Variants in FSIP1 observed in about 807,000 individuals in gnomAD.
FSIP1 encodes fibrous sheath-interacting protein 1.
In FSIP1, 65 loss-of-function variants were observed where a neutral mutation model predicts 60.9. The observed-to-expected ratio is 1.07, with a 90% CI of 0.87 to 1.31. The LOEUF is 1.31. Among genes scored for constraint, FSIP1 ranks in the 40% most tolerant of loss-of-function variants. The probability of loss-of-function intolerance (pLI) is 0.00; values close to 1 mark genes in which losing one functional copy is unlikely to be tolerated. For missense variants in FSIP1, 675 were observed against 665.5 expected (o/e 1.01, Z -0.16); for synonymous variants, 209 against 221.2 (o/e 0.94, Z 0.49).
intron 6 of FSIP1, among the ~76,000 whole-genome samples, chr15:39,741,260 T>C (rs1260471777): frequency 6.6e-6 from 1 of 152,204 alleles, no homozygotes; most frequent in Non-Finnish European, 1.5e-5. Context: ...GGAAAACACA[T>C]TGGGTTATCT....
intron 10 of FSIP1, among the ~76,000 whole-genome samples, chr15:39,709,401 G>T (rs1045644803): frequency 6.6e-6 from 1 of 152,152 alleles, no homozygotes. Context: ...AGACAATCTC[G>T]CATTCTCCTA....
At chr15:39,734,168 G>C (rs969212578) in intron 8 of FSIP1, among the ~76,000 whole-genome samples, 4 of 152,084 alleles carry the variant, frequency 2.6e-5, no homozygotes, top group African/African-American at 9.7e-5. Flanking sequence ...AAGAAAAAAA[G>C]GATTTTGCAA....
intron 10 of FSIP1, among the ~76,000 whole-genome samples, chr15:39,657,661 A>C (rs758924200): frequency 1.3e-5 from 2 of 152,162 alleles, no homozygotes; most frequent in Non-Finnish European, 2.9e-5. Context: ...AATTCCATTC[A>C]TCCTTTCACT....
intron 8 of FSIP1, among the ~76,000 whole-genome samples, chr15:39,729,730 C>G (rs1484968719): frequency 6.6e-6 from 1 of 152,172 alleles, no homozygotes; most frequent in Non-Finnish European, 1.5e-5. Flanking sequence ...AGATCACATC[C>G]TTTGCAGCAA....
At chr15:39,706,731 G>A (rs573536117) in intron 10 of FSIP1, among the ~76,000 whole-genome samples, 37 of 151,978 alleles carry the variant, frequency 2.4e-4, no homozygotes, top group Admixed American at 1.6e-3. Flanking sequence ...TCCTTTCTCC[G>A]CCTCCCCATC....
At chr15:39,606,990 GA>G (rs1265864098) in intron 11 of FSIP1, among the ~76,000 whole-genome samples, 3 of 152,130 alleles carry the variant, frequency 2.0e-5, no homozygotes, top group Admixed American at 6.5e-5. Context: ...GATTGTCTCT[GA>G]GGTTAAGTGT....
chr15:39,636,114 G>A (rs561219591), intron 10 of FSIP1, among the ~76,000 whole-genome samples: 5 of 152,210 alleles, frequency 3.3e-5, no homozygotes, highest in African/African-American at 9.6e-5. Context: ...ATAGTAGTAC[G>A]TGACAGAATT....
chr15:39,638,666 A>T (rs534017383), intron 10 of FSIP1, among the ~76,000 whole-genome samples: 1 of 152,362 alleles, frequency 6.6e-6, no homozygotes, highest in East Asian at 1.9e-4. Flanking sequence ...TAGAAGACAA[A>T]TAACTTAACA....
intron 11 of FSIP1, chr15:39,602,391 A>G (rs1424074928): frequency 2.2e-6 from 1 of 455,534 alleles, no homozygotes; most frequent in South Asian, 1.6e-5. Flanking sequence ...TTGATTTCAA[A>G]CTTCTGGCCT....
At chr15:39,696,132 G>A (rs767980225) in intron 10 of FSIP1, among the ~76,000 whole-genome samples, 16 of 152,088 alleles carry the variant, frequency 1.1e-4, no homozygotes, top group Non-Finnish European at 1.8e-4. Flanking sequence ...TCTCACAAAT[G>A]ACTCCATATG....
intron 10 of FSIP1, among the ~76,000 whole-genome samples, chr15:39,640,755 T>G (rs994205919): frequency 6.7e-6 from 1 of 149,564 alleles, no homozygotes; most frequent in Admixed American, 6.6e-5. Flanking sequence ...GGAAATGACA[T>G]ACAGAAATTG....
chr15:39,612,926 A>G (rs1395326713), intron 11 of FSIP1, among the ~76,000 whole-genome samples: 5 of 152,146 alleles, frequency 3.3e-5, no homozygotes, highest in African/African-American at 1.2e-4. Flanking sequence ...ATTATGATAC[A>G]TCATAAGATA....
intron 10 of FSIP1, among the ~76,000 whole-genome samples, chr15:39,637,468 G>A (rs554789165): frequency 6.6e-6 from 1 of 152,294 alleles, no homozygotes; most frequent in African/African-American, 2.4e-5. Flanking sequence ...CAGCTAGCTA[G>A]CTGAGCTAAC....
rs188581243 is a variant in FSIP1 at position 39,633,325 on chromosome 15, C to G, written c.1189-15080G>C. 3.6e-3 allele frequency among the ~76,000 whole-genome samples: 549 copies of G among 152,100 alleles called. 3 individuals are homozygous for G. Among genetic ancestry groups the G allele is most frequent in the African/African-American group, 0.013 (525 of 41,482 alleles). On this transcript the variant is annotated intron_variant, in intron 10 of 11. Coordinates refer to ENST00000350221, the MANE Select transcript of FSIP1 (RefSeq NM_152597.5). ...GGATGGTCTCGATCTCCTCACCTCG[C>G]AATCTGCCTGCCTCTGCCTCCCAAA... is the stretch of plus-strand genomic sequence containing the variant.
intron 10 of FSIP1, among the ~76,000 whole-genome samples, chr15:39,667,964 A>G (rs1893563811): frequency 6.6e-6 from 1 of 152,238 alleles, no homozygotes; most frequent in Non-Finnish European, 1.5e-5. Flanking sequence ...GGCTTTATTA[A>G]AGTCCTGAGA....
intron 10 of FSIP1, among the ~76,000 whole-genome samples, chr15:39,622,255 C>T (rs900528504): frequency 3.9e-5 from 6 of 152,136 alleles, no homozygotes; most frequent in African/African-American, 1.4e-4. Flanking sequence ...CATACTATTC[C>T]TATCCTTCAT....
rs572112565 is a variant in FSIP1, at chr15:39,675,785, G to T, written c.1188+37659C>A. Among the ~76,000 whole-genome samples, 13 of 152,226 alleles carry T rather than the reference G, an allele frequency of 8.5e-5. No individual in the cohort carries two copies. The South Asian group carries it at 2.7e-3, about 32-fold the overall frequency. ...TCCTTCACTTATTTCATGTGATAAA[G>T]TTCTGCATTTCATCAAGATGAAGTG... On this transcript the variant is annotated intron_variant, in intron 10 of 11. Transcript: ENST00000350221.
chr15:39,652,179 T>C (rs1892898410), intron 10 of FSIP1, among the ~76,000 whole-genome samples: 2 of 152,358 alleles, frequency 1.3e-5, no homozygotes, highest in South Asian at 4.1e-4. Flanking sequence ...TGTTGCTTTC[T>C]GTAAAGTTAA....
chr15:39,671,379 A>C (rs746644998), intron 10 of FSIP1, among the ~76,000 whole-genome samples: 1 of 152,220 alleles, frequency 6.6e-6, no homozygotes, highest in African/African-American at 2.4e-5. Context: ...AAAGTAAACT[A>C]TCTTTTTATG....
Sources: gnomAD v4.1 joint callset for allele counts (sites outside exome capture counted in the v4.1 genomes callset) on GRCh38, gnomAD v4.1.1 for gene constraint, MANE v1.5 for transcripts, NCBI Gene and HGNC (gene_info 2026-07-23, HGNC 2026-07-21) for gene names.